Variants in METTL4 observed in about 807,000 individuals in gnomAD.
The protein encoded by METTL4 is methyltransferase 4, N6-adenosine.
METTL4 carries 40 observed loss-of-function variants against 54.0 expected under a neutral mutation model. That is an observed-to-expected ratio of 0.74 (90% CI 0.58 to 0.96). The LOEUF (loss-of-function observed/expected upper bound fraction) is 0.96, where lower values mean the gene tolerates loss of function less well. METTL4 is among the 50% of genes least tolerant of loss of function. METTL4 has a pLI of 0.00. For missense variants in METTL4, 525 were observed against 549.0 expected, an observed-to-expected ratio of 0.96 and a Z score of 0.44; for synonymous variants, 169 against 183.8, an observed-to-expected ratio of 0.92 and a Z score of 0.65.
chr18:2,560,864 C>A (rs879760876), intron 3 of METTL4, among the ~76,000 whole-genome samples: 1 of 151,840 alleles, frequency 6.6e-6, no homozygotes, highest in East Asian at 1.9e-4. Context: ...GGCGACAGAG[C>A]GAGACTCTGT....
At position 2,566,997 on chromosome 18, in the gene METTL4, C is replaced by A. The variant is rs755449452; in HGVS notation, c.220G>T (p.Asp74Tyr). Residue 74 changes from aspartate (D) to tyrosine (Y), a missense_variant, in exon 2 of 9, where the codon GAT (aspartate) becomes TAT (tyrosine). Transcript: ENST00000574538. Reference sequence around the variant, plus strand: ...AACATTTCATAATTTCCTCCATCATCATTCTCTGGCTTAGTGGAAGAGTCA... The same window carrying A: ...AACATTTCATAATTTCCTCCATCATAATTCTCTGGCTTAGTGGAAGAGTCA... Reference protein sequence around the residue: ...ASDSSTKPENDDGGNYEMFTR... With the variant: ...ASDSSTKPENYDGGNYEMFTR... 1.9e-5 allele frequency: 31 copies of A among 1,614,150 alleles called. No homozygotes were observed. The highest frequency in any genetic ancestry group is 2.5e-5 in the Non-Finnish European group (30 of 1,180,018).
At chr18:2,552,615 TA>T in intron 5 of METTL4, 79 bp downstream of exon 5, 1 of 875,236 alleles carries the variant, frequency 1.1e-6, no homozygotes, top group South Asian at 1.5e-5. Flanking sequence ...TATCATAAAG[TA>T]ATGTCAATAG....
chr18:2,558,994 G>A (rs569428712), intron 3 of METTL4, among the ~76,000 whole-genome samples: 2 of 152,196 alleles, frequency 1.3e-5, no homozygotes, highest in Admixed American at 6.5e-5. Context: ...GGAGAAACTG[G>A]AGCCCTTGGG....
At chr18:2,554,103 T>C (rs1301551839) in intron 4 of METTL4, 2 of 152,340 alleles carry the variant, frequency 1.3e-5, no homozygotes, top group Non-Finnish European at 2.9e-5. Flanking sequence ...ATGTCCATTT[T>C]ATAGATTGGA....
Position 2,544,651 on chromosome 18 carries a change from A to G in METTL4, c.1181+2T>C, listed in dbSNP as rs1245337902. 1 of 1,580,750 alleles carries G rather than the reference A, an allele frequency of 6.3e-7. No homozygotes were observed. Among genetic ancestry groups the G allele is most frequent in the East Asian group, 2.2e-5 (1 of 44,614 alleles). On this transcript the variant is annotated splice_donor_variant, in intron 7 of 8. Coordinates refer to ENST00000574538, the MANE Select transcript of METTL4 (RefSeq NM_022840.5). LOFTEE classifies it high-confidence loss of function. ...ACAATTTTGAAAAATCACCTTTCCTACCTCAATGGTAGAGCAGTTTTTTCT... is the reference window on the plus strand; with the variant it reads ...ACAATTTTGAAAAATCACCTTTCCTGCCTCAATGGTAGAGCAGTTTTTTCT...
Position 2,566,920 on chromosome 18 carries a change from A to G in METTL4, c.297T>C (p.Tyr99=), listed in dbSNP as rs769794277. The G allele has an allele frequency of 1.9e-6, 3 of 1,613,984 alleles. No individual in the cohort carries two copies. The highest frequency in any genetic ancestry group is 1.3e-5 in the African/African-American group (1 of 74,940). Reference sequence around the variant, plus strand: ...ATTCTTTATGAACAGCTGGAGTTATATAAGGTTTGGTGACATCAAACAGTT... The same window carrying G: ...ATTCTTTATGAACAGCTGGAGTTATGTAAGGTTTGGTGACATCAAACAGTT... The part of the protein sequence containing the change: ...RPELFDVTKP[Y]ITPAVHKECQ... Residue 99 remains tyrosine (Y), a synonymous_variant, in exon 2 of 9, where the codon TAT becomes TAC. Coordinates refer to ENST00000574538, the MANE Select transcript of METTL4 (RefSeq NM_022840.5).
At chr18:2,540,125 G>T (rs1021583006) in intron 8 of METTL4, 1 of 984,554 alleles carries the variant, frequency 1.0e-6, no homozygotes, top group Middle Eastern at 5.2e-4. Context: ...TTTTGTTGGG[G>T]AAAGAGCTGT....
At chr18:2,551,797 GAGA>G (rs927236964) in intron 5 of METTL4, among the ~76,000 whole-genome samples, 6 of 152,182 alleles carry the variant, frequency 3.9e-5, no homozygotes, top group East Asian at 1.9e-4. Context: ...GATCACTGAG[GAGA>G]AGAAGAAATT....
Position 2,569,474 on chromosome 18 carries a change from C to G in METTL4, c.-439+1675G>C, listed in dbSNP as rs559416278. On this transcript the variant is annotated intron_variant, in intron 1 of 8. Coordinates refer to ENST00000574538, the MANE Select transcript of METTL4 (RefSeq NM_022840.5). ...TGGCCTGGAGTCTCCGCCTTCTCCC[C>G]CTACCGCTCTCCCTTCCTCCCACCC... 2.8e-4 allele frequency among the ~76,000 whole-genome samples: 43 copies of G among 152,236 alleles called. No individual in the cohort carries two copies. The South Asian group carries it at 8.7e-3, about 31-fold the overall frequency.
chr18:2,558,163 CAT>C (rs2072265607), intron 3 of METTL4, among the ~76,000 whole-genome samples: 1 of 152,102 alleles, frequency 6.6e-6, no homozygotes, highest in African/African-American at 2.4e-5. Context: ...ATAGACAATA[CAT>C]ATTCTTCCCA....
rs954281169 is a variant in METTL4, at chr18:2,540,558, A to C, written c.1274-1413T>G. 5.7e-5 allele frequency: 56 copies of C among 985,320 alleles called. No homozygotes were observed. The African/African-American group carries it at 7.9e-4, about 14-fold the overall frequency. 61.0% of individuals were successfully genotyped at this position (985,320 alleles called of 1,614,324 possible). ...AATCAAAGAAGAATTAAAAGGTTTCACTGTCTATAATTCAAGTGAACTCAA... is the reference window on the plus strand; with the variant it reads ...AATCAAAGAAGAATTAAAAGGTTTCCCTGTCTATAATTCAAGTGAACTCAA... On this transcript the variant is annotated intron_variant, in intron 8 of 8. Transcript: ENST00000574538.
intron 2 of METTL4, among the ~76,000 whole-genome samples, chr18:2,564,663 C>G (rs1317923296): frequency 6.6e-6 from 1 of 152,184 alleles, no homozygotes; most frequent in African/African-American, 2.4e-5. Context: ...AAACTCTTAG[C>G]ATGCTAACAA....
chr18:2,544,690 G>T lies in METTL4; in HGVS notation c.1144C>A (p.Leu382Met), dbSNP rs756566772. The T allele has an allele frequency of 1.6e-5, 26 of 1,612,656 alleles. No individual in the cohort carries two copies. The highest frequency in any genetic ancestry group is 1.8e-5 in the Non-Finnish European group (21 of 1,179,294). Residue 382 changes from leucine (L) to methionine (M), a missense_variant, in exon 7 of 9, where the codon CTG becomes ATG. Leu to Met is a conservative substitution (Grantham distance 15). Transcript: ENST00000574538. Reference sequence around the variant, plus strand: ...GCAGTTTTTTCTTGAACCCTCCCCAGTATAAGACCTTCGTAGGGCTTTTTG... The same window carrying T: ...GCAGTTTTTTCTTGAACCCTCCCCATTATAAGACCTTCGTAGGGCTTTTTG... ...PHKKPYEGLI[L>M]GRVQEKTALP...
chr18:2,557,547 G>C (rs2072257074), intron 3 of METTL4, among the ~76,000 whole-genome samples: 2 of 152,166 alleles, frequency 1.3e-5, no homozygotes, highest in Admixed American at 1.3e-4. Flanking sequence ...CTTGTATGCT[G>C]TCCAGGTTAA....
intron 3 of METTL4, among the ~76,000 whole-genome samples, chr18:2,560,158 C>T (rs904071550): frequency 7.9e-5 from 12 of 152,156 alleles, no homozygotes; most frequent in African/African-American, 2.4e-4. Context: ...AACCTTCCCC[C>T]ATGACAATTA....
At position 2,538,925 on chromosome 18, in the gene METTL4, A is replaced by C. The variant is rs1418802609; in HGVS notation, c.*75T>G. The C allele has an allele frequency of 3.5e-5, 52 of 1,505,062 alleles. No homozygotes were observed. In the South Asian group the frequency reaches 6.0e-4, roughly 17 times the overall value. 93.2% of individuals were successfully genotyped at this position (1,505,062 alleles called of 1,614,324 possible). A position where few individuals can be genotyped will look rare whatever the true frequency, so the allele number is the denominator to read the frequency against. Reference sequence around the variant, plus strand: ...TAAGAATATGGGTTGGTAACAAAATAAAAAAATGACTTAGAATTAAGGGAA... The same window carrying C: ...TAAGAATATGGGTTGGTAACAAAATCAAAAAATGACTTAGAATTAAGGGAA... On this transcript the variant is annotated 3_prime_UTR_variant, in exon 9 of 9. Coordinates refer to ENST00000574538, the MANE Select transcript of METTL4 (RefSeq NM_022840.5).
At chr18:2,560,723 C>T (rs990463743) in intron 3 of METTL4, among the ~76,000 whole-genome samples, 35 of 152,034 alleles carry the variant, frequency 2.3e-4, no homozygotes. Flanking sequence ...TAAAAAAATA[C>T]AAAAAATTAG....
At chr18:2,544,155 T>G (rs1206890503) in intron 8 of METTL4, 40 bp downstream of exon 8, 4 of 1,510,598 alleles carry the variant, frequency 2.6e-6, no homozygotes, top group Non-Finnish European at 3.6e-6. Context: ...TTTTTCAAAT[T>G]TGACAAAAGT....
intron 1 of METTL4, chr18:2,568,843 T>G (rs1413377741): frequency 4.6e-6 from 1 of 216,358 alleles, no homozygotes; most frequent in East Asian, 1.1e-4. Flanking sequence ...TGGACAGGGA[T>G]GATAATTGGG....
Sources: allele counts gnomAD v4.1 joint callset (sites outside exome capture counted in the v4.1 genomes callset), GRCh38; gene constraint gnomAD v4.1.1; transcripts MANE v1.5; gene names NCBI Gene and HGNC (gene_info 2026-07-23, HGNC 2026-07-21).